DNM3: variants seen among roughly 807,000 people sequenced by gnomAD.
DNM3 encodes dynamin 3.
A neutral mutation model predicts 101.6 loss-of-function variants in DNM3; 47 were observed. The observed-to-expected ratio is 0.46, with a 90% CI of 0.37 to 0.59. The LOEUF is 0.59. Among genes scored for constraint, DNM3 ranks in the 20% least tolerant of loss-of-function variants. The pLI, the probability that DNM3 is intolerant of heterozygous loss-of-function variation, is 0.00. For missense variants in DNM3, 849 were observed against 1,085.7 expected (o/e 0.78, Z 3.06); for synonymous variants, 385 against 387.9 (o/e 0.99, Z 0.09).
intron 2 of DNM3, among the ~76,000 whole-genome samples, chr1:171,938,104 T>C (rs1327906365): frequency 6.6e-6 from 1 of 152,018 alleles, no homozygotes; most frequent in Non-Finnish European, 1.5e-5. Flanking sequence ...GGCATCTGTA[T>C]AGAAGTCTAA....
chr1:171,986,192 T>C (rs1474617224), intron 2 of DNM3, among the ~76,000 whole-genome samples: 5 of 152,268 alleles, frequency 3.3e-5, no homozygotes, highest in Non-Finnish European at 7.4e-5. Context: ...TACTGTTCAG[T>C]ATTCAGTCCA....
At chr1:172,211,068 A>G (rs1455929422) in intron 14 of DNM3, among the ~76,000 whole-genome samples, 3 of 152,160 alleles carry the variant, frequency 2.0e-5, no homozygotes, top group Non-Finnish European at 4.4e-5. Flanking sequence ...TTTGTTTCCA[A>G]AAGTTAAAAA....
intron 10 of DNM3, 23 bp downstream of exon 10, chr1:172,048,773 T>C (rs1296302424): frequency 6.2e-7 from 1 of 1,608,050 alleles, no homozygotes; most frequent in South Asian, 1.1e-5. Flanking sequence ...TATTTAACTT[T>C]CCAGTACGTG....
intron 10 of DNM3, among the ~76,000 whole-genome samples, chr1:172,067,926 G>T (rs1048802637): frequency 3.9e-5 from 6 of 152,186 alleles, no homozygotes; most frequent in Non-Finnish European, 8.8e-5. Context: ...AAGACCATGG[G>T]CTCTGGAGTC....
chr1:172,409,239 A>T lies in DNM3; in HGVS notation c.*1398A>T. ...TAGGGGTGTCCCATGACACTATTTC[A>T]TATTCTACAGAAGTAAATCAGGTTT... On this transcript the variant is annotated 3_prime_UTR_variant, in exon 21 of 21. Transcript: ENST00000627582. 1 of 985,384 alleles carries T rather than the reference A, an allele frequency of 1.0e-6. No homozygotes were observed. The highest frequency in any genetic ancestry group is 1.7e-5 in the African/African-American group (1 of 57,356). The allele number at this position is 985,384 out of a possible 1,614,324, so 61.0% of individuals were successfully genotyped here.
At chr1:172,346,139 A>AG (rs2066927588) in intron 17 of DNM3, among the ~76,000 whole-genome samples, 3 of 151,610 alleles carry the variant, frequency 2.0e-5, no homozygotes, top group South Asian at 2.1e-4. Flanking sequence ...AAAAAAAAAA[A>AG]AAAGAAAGAA....
chr1:172,106,457 G>T (rs1231371920), intron 13 of DNM3, among the ~76,000 whole-genome samples: 1 of 151,996 alleles, frequency 6.6e-6, no homozygotes, highest in African/African-American at 2.4e-5. Flanking sequence ...AAATTTAGGT[G>T]GGTGGGAGGA....
At chr1:172,187,929 T>C (rs1572876855) in intron 14 of DNM3, among the ~76,000 whole-genome samples, 1 of 152,194 alleles carries the variant, frequency 6.6e-6, no homozygotes, top group South Asian at 2.1e-4. Context: ...AGAAATAATC[T>C]TGCTTTAGGT....
intron 14 of DNM3, among the ~76,000 whole-genome samples, chr1:172,248,868 T>C (rs10911387): frequency 0.68 from 103,707 of 151,970 alleles, 36,036 homozygotes; most frequent in Non-Finnish European, 0.74. Flanking sequence ...ATTTATAATA[T>C]ACACTGTAAG....
At position 172,253,562 on chromosome 1, in the gene DNM3, T is replaced by G; in HGVS notation, c.1660-11T>G. On this transcript the variant is annotated splice_polypyrimidine_tract_variant and intron_variant, in intron 14 of 20. Coordinates refer to ENST00000627582, the MANE Select transcript of DNM3 (RefSeq NM_015569.5). ...CTCCTCTCCCTCTTTTCTTTCTCTCTCTTATAATAGGAAAAAGAAAAGAAG... is the reference window on the plus strand; with the variant it reads ...CTCCTCTCCCTCTTTTCTTTCTCTCGCTTATAATAGGAAAAAGAAAAGAAG... The G allele has an allele frequency of 1.3e-6, 2 of 1,533,804 alleles. No homozygotes were observed. The highest frequency in any genetic ancestry group is 8.8e-7 in the Non-Finnish European group (1 of 1,134,250).
chr1:171,993,950 T>A (rs1000624238), intron 4 of DNM3, among the ~76,000 whole-genome samples: 2 of 152,218 alleles, frequency 1.3e-5, no homozygotes, highest in African/African-American at 2.4e-5. Flanking sequence ...TAAAAAAAAA[T>A]TTCTGTCTCC....
At chr1:172,284,450 CT>C (rs1231962263) in intron 15 of DNM3, among the ~76,000 whole-genome samples, 1 of 151,900 alleles carries the variant, frequency 6.6e-6, no homozygotes, top group Non-Finnish European at 1.5e-5. Context: ...ATTTACCATC[CT>C]TTTTTTTCTC....
chr1:172,050,204 A>C (rs920861916), intron 10 of DNM3, among the ~76,000 whole-genome samples: 2 of 152,192 alleles, frequency 1.3e-5, no homozygotes, highest in Non-Finnish European at 2.9e-5. Context: ...TTCAGAATGC[A>C]ACCTATCGTG....
intron 1 of DNM3, among the ~76,000 whole-genome samples, chr1:171,887,784 G>A (rs2036909743): frequency 6.6e-6 from 1 of 151,798 alleles, no homozygotes; most frequent in Admixed American, 6.6e-5. Flanking sequence ...GAAAATCTGG[G>A]GATTTATTTA....
chr1:172,323,267 A>C, intron 16 of DNM3, 62 bp from the exon 17 acceptor site: 1 of 1,503,838 alleles, frequency 6.6e-7, no homozygotes, highest in Middle Eastern at 1.7e-4. Flanking sequence ...AACCCTCATA[A>C]TTTTAAAATA....
At chr1:172,397,850 G>A (rs1026108282) in intron 20 of DNM3, among the ~76,000 whole-genome samples, 1 of 152,042 alleles carries the variant, frequency 6.6e-6, no homozygotes, top group Non-Finnish European at 1.5e-5. Context: ...CTAGGTGACT[G>A]AAAAACGCAT....
chr1:172,411,506 T>TA lies in DNM3; in HGVS notation c.*3666dup. The TA allele has an allele frequency of 1.0e-6, 1 of 981,570 alleles. No homozygotes were observed. The highest frequency in any genetic ancestry group is 1.2e-6 in the Non-Finnish European group (1 of 828,688). The allele number at this position is 981,570 out of a possible 1,614,324, so 60.8% of individuals were successfully genotyped here. A position where few individuals can be genotyped will look rare whatever the true frequency, so the allele number is the denominator to read the frequency against. On this transcript the variant is annotated 3_prime_UTR_variant, in exon 21 of 21. Transcript: ENST00000627582. ...GCTGAATCTTAAAAAGCCAAGTTGA[T>TA]ATACATAGTCATTTTTCCTCTATGG...
At chr1:172,267,171 G>T (rs1288938316) in intron 15 of DNM3, among the ~76,000 whole-genome samples, 1 of 152,230 alleles carries the variant, frequency 6.6e-6, no homozygotes, top group Non-Finnish European at 1.5e-5. Context: ...TCTCTACTGT[G>T]AGACTGCTTT....
chr1:171,952,227 G>A (rs1259673828), intron 2 of DNM3, among the ~76,000 whole-genome samples: 2 of 152,194 alleles, frequency 1.3e-5, no homozygotes, highest in South Asian at 2.1e-4. Context: ...AAGCCTGGCT[G>A]CATTAATGGA....
Sources: gnomAD v4.1 joint callset for allele counts (sites outside exome capture counted in the v4.1 genomes callset) on GRCh38, gnomAD v4.1.1 for gene constraint, MANE v1.5 for transcripts, NCBI Gene and HGNC (gene_info 2026-07-23, HGNC 2026-07-21) for gene names.